MYL1: variants seen among roughly 807,000 people sequenced by gnomAD.
The protein encoded by MYL1 is myosin light chain 1/3, skeletal muscle isoform.
Under a neutral mutation model 21.8 loss-of-function variants are expected in MYL1, and 16 were observed. The ratio of observed to expected loss-of-function variants is 0.74; its 90% CI spans 0.50 to 1.12. The LOEUF (loss-of-function observed/expected upper bound fraction) is 1.12, where lower values mean the gene tolerates loss of function less well. Among genes scored for constraint, MYL1 ranks in the 50% most tolerant of loss-of-function variants. The pLI is 0.00. For missense variants in MYL1, 246 were observed against 241.0 expected, an observed-to-expected ratio of 1.02 and a Z score of -0.14; for synonymous variants, 99 against 85.2, an observed-to-expected ratio of 1.16 and a Z score of -0.89.
intron 5 of MYL1, among the ~76,000 whole-genome samples, chr2:210,292,482 A>G (rs1025008805): frequency 6.6e-6 from 1 of 151,774 alleles, no homozygotes; most frequent in African/African-American, 2.4e-5. Context: ...CTAATTTTCT[A>G]TTGGATATGA....
At chr2:210,302,138 A>G (rs1044487393) in intron 2 of MYL1, among the ~76,000 whole-genome samples, 2 of 152,158 alleles carry the variant, frequency 1.3e-5, no homozygotes, top group African/African-American at 2.4e-5. Flanking sequence ...ATCTCTCTTT[A>G]AGGATTATAT....
intron 2 of MYL1, among the ~76,000 whole-genome samples, chr2:210,300,169 T>C (rs1188684061): frequency 6.6e-6 from 1 of 152,136 alleles, no homozygotes; most frequent in Non-Finnish European, 1.5e-5. Flanking sequence ...ATGGACAGAC[T>C]GCTCAGCAGG....
intron 2 of MYL1, among the ~76,000 whole-genome samples, chr2:210,301,470 AG>A (rs1254524411): frequency 2.0e-5 from 3 of 152,128 alleles, no homozygotes; most frequent in South Asian, 4.1e-4. Flanking sequence ...GTATTTGAAT[AG>A]GTTCTTATTA....
intron 1 of MYL1, among the ~76,000 whole-genome samples, chr2:210,314,380 T>C (rs929548846): frequency 4.6e-5 from 7 of 152,166 alleles, no homozygotes; most frequent in Non-Finnish European, 7.4e-5. Context: ...TCAAATTTTA[T>C]TAGGCAAAGC....
At chr2:210,294,975 A>G (rs1690150440) in intron 3 of MYL1, among the ~76,000 whole-genome samples, 1 of 152,258 alleles carries the variant, frequency 6.6e-6, no homozygotes, top group South Asian at 2.1e-4. Flanking sequence ...TTAAATTTTA[A>G]GTAATTTAAG....
In MYL1 at chr2:210,298,339, T is replaced by TAC. The variant is rs112894708; in HGVS notation, c.304+79_304+80dup. The TAC allele has an allele frequency of 0.027, 31,518 of 1,183,698 alleles. 374 individuals carry two copies. The highest frequency in any genetic ancestry group is 0.12 in the African/African-American group (7,769 of 65,952). 73.3% of individuals were successfully genotyped at this position (1,183,698 alleles called of 1,614,324 possible). A position where few individuals can be genotyped will look rare whatever the true frequency, so the allele number is the denominator to read the frequency against. ...ACACATACTACACACACACACATAC[T>TAC]ACACACACACACACACACACACACA... On this transcript the variant is annotated intron_variant, in intron 3 of 6. Transcript: ENST00000352451.
intron 2 of MYL1, among the ~76,000 whole-genome samples, chr2:210,301,521 T>C (rs1413730892): frequency 6.6e-6 from 1 of 152,060 alleles, no homozygotes; most frequent in Non-Finnish European, 1.5e-5. Context: ...TCATATCTAA[T>C]ATATGTAATA....
chr2:210,295,139 GT>G (rs1267384855), intron 3 of MYL1, among the ~76,000 whole-genome samples: 6 of 152,060 alleles, frequency 3.9e-5, no homozygotes, highest in Non-Finnish European at 5.9e-5. Context: ...CTATCCAGTT[GT>G]ATACAAATGG....
intron 2 of MYL1, among the ~76,000 whole-genome samples, 168 bp downstream of exon 2, chr2:210,302,320 T>A (rs143278575): frequency 2.3e-3 from 345 of 152,306 alleles, no homozygotes; most frequent in Non-Finnish European, 4.3e-3. Flanking sequence ...AGCAAGGGTT[T>A]CAGATTGAGC....
intron 6 of MYL1, among the ~76,000 whole-genome samples, chr2:210,290,702 G>A (rs1046456559): frequency 3.9e-5 from 6 of 152,052 alleles, no homozygotes; most frequent in East Asian, 1.9e-4. Context: ...TCCAAAAAAC[G>A]TTTGCCTGTG....
At chr2:210,307,067 A>G (rs527748287) in intron 1 of MYL1, among the ~76,000 whole-genome samples, 1 of 152,306 alleles carries the variant, frequency 6.6e-6, no homozygotes, top group East Asian at 1.9e-4. Flanking sequence ...TAAATATGCA[A>G]CAAGCCCTGA....
rs1575703483 is a variant in MYL1 at position 210,298,277 on chromosome 2, A to G, written c.304+143T>C. 16 of 970,638 alleles carry G rather than the reference A, an allele frequency of 1.6e-5. No homozygotes were observed. In the East Asian group the frequency reaches 4.0e-4, roughly 24 times the overall value. The allele number at this position is 970,638 out of a possible 1,614,324, so 60.1% of individuals were successfully genotyped here. ...AGAATAAACTGAGCCCTATTATGTG[A>G]AACATTTTTAAATCAATCTTTCTCT... On this transcript the variant is annotated intron_variant, in intron 3 of 6. Transcript: ENST00000352451.
At chr2:210,298,322 TACACACACACACATACTACAC>T (rs1240626278) in intron 3 of MYL1, 77 bp downstream of exon 3, 7 of 1,279,458 alleles carry the variant, frequency 5.5e-6, no homozygotes, top group South Asian at 4.0e-5. Flanking sequence ...ACACACATAC[TACACACACACACATACTACAC>T]ACACACACAC....
At chr2:210,302,214 A>G (rs559691822) in intron 2 of MYL1, among the ~76,000 whole-genome samples, 2 of 152,228 alleles carry the variant, frequency 1.3e-5, no homozygotes, top group African/African-American at 4.8e-5. Context: ...GGTATTATCT[A>G]TTGTATCAAA....
At chr2:210,311,423 T>A (rs1690417236) in intron 1 of MYL1, among the ~76,000 whole-genome samples, 1 of 152,110 alleles carries the variant, frequency 6.6e-6, no homozygotes, top group Non-Finnish European at 1.5e-5. Flanking sequence ...CAATTGTTGA[T>A]GCAAAATTCG....
chr2:210,293,729 A>T lies in MYL1; in HGVS notation c.550T>A (p.Tyr184Asn). ...CAGTGAGCATTGATTCTACCTTCGT[A>T]GTTGATGCAGCCATTGGAGTCTTCT... is the stretch of plus-strand genomic sequence containing the variant. Reference protein sequence around the residue: ...GQEDSNGCINYEAFVKHIMSI With the variant: ...GQEDSNGCINNEAFVKHIMSI The change falls in exon 5 of 7, where the codon TAC becomes AAC. Residue 184 changes from tyrosine to asparagine, a missense_variant. Transcript: ENST00000352451. 1 of 1,613,888 alleles carries T rather than the reference A, an allele frequency of 6.2e-7. No homozygotes were observed. The highest frequency in any genetic ancestry group is 8.5e-7 in the Non-Finnish European group (1 of 1,179,792).
At chr2:210,301,168 C>A (rs757194721) in intron 2 of MYL1, among the ~76,000 whole-genome samples, 47 of 152,044 alleles carry the variant, frequency 3.1e-4, no homozygotes, top group Middle Eastern at 3.2e-3. Context: ...CAGTAGGTGA[C>A]AATGTAGCAG....
At position 210,302,397 on chromosome 2, in the gene MYL1, G is replaced by A. The variant is rs151286913; in HGVS notation, c.160+91C>T. 329 of 1,205,188 alleles carry A rather than the reference G, an allele frequency of 2.7e-4. No homozygotes were observed. In the East Asian group the frequency reaches 7.2e-3, roughly 27 times the overall value. 74.7% of individuals were successfully genotyped at this position (1,205,188 alleles called of 1,614,324 possible). A position where few individuals can be genotyped will look rare whatever the true frequency, so the allele number is the denominator to read the frequency against. On this transcript the variant is annotated intron_variant, in intron 2 of 6. Transcript: ENST00000352451. Reference sequence around the variant, plus strand: ...ATGGCAACACCAGTGGGGATAATTAGGAAGAGCTAAACTCATCCCAAGGGA... The same window carrying A: ...ATGGCAACACCAGTGGGGATAATTAAGAAGAGCTAAACTCATCCCAAGGGA...
At chr2:210,291,789 T>TAA (rs11389014) in intron 5 of MYL1, among the ~76,000 whole-genome samples, 6 of 151,596 alleles carry the variant, frequency 4.0e-5, no homozygotes, top group African/African-American at 1.2e-4. Flanking sequence ...ATTAAATTGT[T>TAA]AAAAAAATTT....
Sources: allele counts gnomAD v4.1 joint callset (sites outside exome capture counted in the v4.1 genomes callset), GRCh38; gene constraint gnomAD v4.1.1; transcripts MANE v1.5; gene names NCBI Gene and HGNC (gene_info 2026-07-23, HGNC 2026-07-21).